The following RIMS1 variants were observed in gnomAD, a reference collection of about 807,000 sequenced individuals.
RIMS1 encodes the protein regulating synaptic membrane exocytosis 1.
RIMS1 carries 83 observed loss-of-function variants against 214.1 expected under a neutral mutation model. The ratio of observed to expected loss-of-function variants is 0.39; its 90% CI spans 0.32 to 0.47. RIMS1 has a LOEUF of 0.47. Among genes scored for constraint, RIMS1 ranks in the 20% least tolerant of loss-of-function variants. The pLI is 0.99. For missense variants in RIMS1, 2,050 were observed against 2,161.8 expected (o/e 0.95, Z 1.03); for synonymous variants, 793 against 786.8 (o/e 1.01, Z -0.13).
intron 1 of RIMS1, among the ~76,000 whole-genome samples, chr6:71,928,376 A>G (rs1028389660): frequency 7.2e-5 from 11 of 152,058 alleles, no homozygotes; most frequent in African/African-American, 2.4e-4. Flanking sequence ...TTCTTTATTG[A>G]TAGTTTTTCC....
intron 4 of RIMS1, among the ~76,000 whole-genome samples, chr6:72,145,476 G>A (rs998045069): frequency 6.6e-6 from 1 of 152,132 alleles, no homozygotes; most frequent in East Asian, 1.9e-4. Context: ...GCTGGGCCTG[G>A]TGGCACACTC....
At chr6:72,320,719 ATACT>A (rs1450623586) in intron 28 of RIMS1, among the ~76,000 whole-genome samples, 4 of 151,988 alleles carry the variant, frequency 2.6e-5, no homozygotes, top group Non-Finnish European at 4.4e-5. Context: ...TATGAGATAA[ATACT>A]TATTATTGTT....
At chr6:71,957,220 A>G (rs757795525) in intron 1 of RIMS1, among the ~76,000 whole-genome samples, 80 of 152,184 alleles carry the variant, frequency 5.3e-4, no homozygotes, top group Non-Finnish European at 9.6e-4. Flanking sequence ...GGTGAAAAAC[A>G]GAAGTGAAGA....
At chr6:72,144,613 T>C (rs2153888769) in intron 4 of RIMS1, among the ~76,000 whole-genome samples, 1 of 152,026 alleles carries the variant, frequency 6.6e-6, no homozygotes, top group Non-Finnish European at 1.5e-5. Flanking sequence ...CCCATGGTCT[T>C]CTTTTCCAAA....
intron 4 of RIMS1, among the ~76,000 whole-genome samples, chr6:72,129,602 T>G (rs2040130421): frequency 6.6e-6 from 1 of 152,168 alleles, no homozygotes; most frequent in Non-Finnish European, 1.5e-5. Flanking sequence ...TATGTTTTCT[T>G]GCATATGATT....
intron 29 of RIMS1, among the ~76,000 whole-genome samples, chr6:72,340,911 A>G (rs1221699846): frequency 1.3e-5 from 2 of 152,100 alleles, no homozygotes; most frequent in Non-Finnish European, 2.9e-5. Flanking sequence ...CTTCCTATCC[A>G]TGAGCATGGA....
chr6:72,122,008 T>G (rs1376807354), intron 4 of RIMS1, among the ~76,000 whole-genome samples: 1 of 151,842 alleles, frequency 6.6e-6, no homozygotes, highest in Admixed American at 6.6e-5. Context: ...GAAGCCAACT[T>G]GATCGTGGTG....
At chr6:72,026,117 G>A (rs980233846) in intron 2 of RIMS1, among the ~76,000 whole-genome samples, 1 of 152,124 alleles carries the variant, frequency 6.6e-6, no homozygotes, top group African/African-American at 2.4e-5. Flanking sequence ...TGCAGAGAAG[G>A]CCTACATAGA....
chr6:72,173,732 T>G (rs2047340724), intron 4 of RIMS1, among the ~76,000 whole-genome samples: 1 of 152,202 alleles, frequency 6.6e-6, no homozygotes, highest in Non-Finnish European at 1.5e-5. Flanking sequence ...ATAGTTTTTA[T>G]TTTAATAGTT....
intron 1 of RIMS1, among the ~76,000 whole-genome samples, chr6:71,923,723 C>G (rs1007159572): frequency 6.6e-6 from 1 of 152,038 alleles, no homozygotes; most frequent in Non-Finnish European, 1.5e-5. Flanking sequence ...TGCCACCATG[C>G]CCAGCTAATT....
chr6:72,041,005 C>T (rs1164619057), intron 2 of RIMS1, among the ~76,000 whole-genome samples: 3 of 151,820 alleles, frequency 2.0e-5, no homozygotes, highest in South Asian at 2.1e-4. Context: ...ACCTTATAGA[C>T]GATACAAATT....
At chr6:72,079,480 G>A (rs556016600) in intron 2 of RIMS1, among the ~76,000 whole-genome samples, 2 of 152,240 alleles carry the variant, frequency 1.3e-5, no homozygotes, top group East Asian at 3.9e-4. Context: ...TTCCAATTAT[G>A]AGACACAGTT....
At chr6:71,941,092 A>G (rs1228004507) in intron 1 of RIMS1, among the ~76,000 whole-genome samples, 1 of 152,084 alleles carries the variant, frequency 6.6e-6, no homozygotes, top group Non-Finnish European at 1.5e-5. Context: ...CTTTTTCCTT[A>G]TATCATGATG....
chr6:71,999,676 T>C (rs917908374), intron 2 of RIMS1, among the ~76,000 whole-genome samples: 1 of 152,114 alleles, frequency 6.6e-6, no homozygotes, highest in African/African-American at 2.4e-5. Context: ...CCACCTTTAA[T>C]AATATTTAAT....
At chr6:71,951,200 G>A (rs938404234) in intron 1 of RIMS1, among the ~76,000 whole-genome samples, 2 of 152,164 alleles carry the variant, frequency 1.3e-5, no homozygotes, top group Middle Eastern at 3.4e-3. Context: ...TTCCTTTAGT[G>A]GATGGATAAC....
intron 2 of RIMS1, among the ~76,000 whole-genome samples, chr6:72,062,741 T>C (rs1278157682): frequency 6.6e-6 from 1 of 152,162 alleles, no homozygotes; most frequent in East Asian, 1.9e-4. Flanking sequence ...AGCAGGGCCA[T>C]GCTCCCTGTG....
At chr6:72,044,122 T>A (rs1822283447) in intron 2 of RIMS1, among the ~76,000 whole-genome samples, 2 of 151,762 alleles carry the variant, frequency 1.3e-5, no homozygotes, top group Admixed American at 6.6e-5. Flanking sequence ...GGAAAACTTT[T>A]CAAATATGCT....
chr6:71,965,146 A>G (rs1794091987), intron 1 of RIMS1, among the ~76,000 whole-genome samples: 1 of 152,198 alleles, frequency 6.6e-6, no homozygotes, highest in Non-Finnish European at 1.5e-5. Flanking sequence ...TGATAGGAAA[A>G]TTCAAAAACC....
chr6:72,146,863 C>T (rs1030088627), intron 4 of RIMS1, among the ~76,000 whole-genome samples: 1 of 152,110 alleles, frequency 6.6e-6, no homozygotes, highest in Non-Finnish European at 1.5e-5. Context: ...TAATTCTTAG[C>T]AATTTTAAAT....
Sources: gnomAD v4.1 joint callset for allele counts (sites outside exome capture counted in the v4.1 genomes callset) on GRCh38, gnomAD v4.1.1 for gene constraint, MANE v1.5 for transcripts, NCBI Gene and HGNC (gene_info 2026-07-23, HGNC 2026-07-21) for gene names.